The following PCDHA7 variants were observed in gnomAD, a reference collection of about 807,000 sequenced individuals.
The protein encoded by PCDHA7 is protocadherin alpha-7.
Under a neutral mutation model 57.2 loss-of-function variants are expected in PCDHA7, and 37 were observed. That is an observed-to-expected ratio of 0.65 (90% CI 0.50 to 0.85). The LOEUF (loss-of-function observed/expected upper bound fraction) is 0.85. Ranked by LOEUF, PCDHA7 falls within the 40% of genes least tolerant of loss-of-function variation. The pLI is 0.00. For synonymous variants in PCDHA7, 553 were observed against 558.8 expected (o/e 0.99, Z 0.15); for missense variants, 1,188 against 1,241.8 (o/e 0.96, Z 0.65).
At chr5:140,875,236 C>G (rs2055366681) in intron 1 of PCDHA7, 2 of 889,228 alleles carry the variant, frequency 2.2e-6, no homozygotes, top group East Asian at 2.9e-5. Context: ...CTTTCTTGTA[C>G]TTACATAATC....
intron 1 of PCDHA7, chr5:140,928,717 T>C: frequency 6.2e-7 from 1 of 1,614,208 alleles, no homozygotes; most frequent in Non-Finnish European, 8.5e-7. Context: ...CTCTAGTCTC[T>C]TTAGAATTTC....
At chr5:140,887,108 T>A (rs2061306818) in intron 1 of PCDHA7, among the ~76,000 whole-genome samples, 1 of 152,084 alleles carries the variant, frequency 6.6e-6, no homozygotes, top group Non-Finnish European at 1.5e-5. Context: ...TCTCTTTTTT[T>A]TTTTTTGAGA....
At chr5:140,997,840 A>G (rs2097788062) in intron 3 of PCDHA7, among the ~76,000 whole-genome samples, 2 of 152,216 alleles carry the variant, frequency 1.3e-5, no homozygotes, top group Non-Finnish European at 2.9e-5. Flanking sequence ...AATACAATAT[A>G]CATTCTTATA....
intron 1 of PCDHA7, among the ~76,000 whole-genome samples, chr5:140,838,146 C>T (rs1775571297): frequency 2.0e-5 from 3 of 149,200 alleles, no homozygotes; most frequent in Non-Finnish European, 4.5e-5. Flanking sequence ...CAGAGTTTTA[C>T]TCTGTCGCCC....
At chr5:140,926,155 T>TGCAGCAGGATCCAGCGCGGAAAGCCCC (rs1563077309) in intron 1 of PCDHA7, among the ~76,000 whole-genome samples, 3 of 152,076 alleles carry the variant, frequency 2.0e-5, no homozygotes, top group African/African-American at 4.8e-5. Context: ...CGGAAAGCTC[T>TGCAGCAGGATCCAGCGCGGAAAGCCCC]GCAGCAGGAT....
chr5:140,989,874 A>C (rs1328387054), intron 3 of PCDHA7, among the ~76,000 whole-genome samples: 1 of 152,098 alleles, frequency 6.6e-6, no homozygotes, highest in Admixed American at 6.6e-5. Context: ...TCTCTGCCTC[A>C]GCACTTGGAG....
At chr5:140,871,024 T>A (rs782482530) in intron 1 of PCDHA7, 2 of 1,613,076 alleles carry the variant, frequency 1.2e-6, no homozygotes, top group African/African-American at 1.3e-5. Flanking sequence ...CGAGGCAGAC[T>A]CGCCGCGCCA....
In PCDHA7 at chr5:140,856,840, C is replaced by T. The variant is rs782759448; in HGVS notation, c.2355+20102C>T. On this transcript the variant is annotated intron_variant, in intron 1 of 3. Transcript: ENST00000525929. ...ACCAAACATTAGTAATACGGCTCAA[C>T]GCTTCTGATTCGGATGAAGGAATAA... is the stretch of plus-strand genomic sequence containing the variant. The T allele has an allele frequency of 7.5e-6, 12 of 1,591,778 alleles. 2 individuals are homozygous for T. The highest frequency in any genetic ancestry group is 4.0e-5 in the African/African-American group (3 of 74,140).
intron 1 of PCDHA7, chr5:140,864,334 G>T (rs1303822617): frequency 6.6e-6 from 1 of 152,076 alleles, no homozygotes; most frequent in Non-Finnish European, 1.5e-5. Flanking sequence ...AATTATTTGA[G>T]TTTAAAACAT....
intron 3 of PCDHA7, among the ~76,000 whole-genome samples, chr5:140,992,953 C>G (rs1377524442): frequency 5.9e-5 from 9 of 152,172 alleles, no homozygotes; most frequent in African/African-American, 2.2e-4. Flanking sequence ...ATTAAATCAC[C>G]CCTTATACTG....
intron 1 of PCDHA7, chr5:140,927,274 G>T: frequency 6.2e-7 from 1 of 1,614,100 alleles, no homozygotes; most frequent in Non-Finnish European, 8.5e-7. Context: ...TCCTGCCGGC[G>T]ACGTGCAGCT....
intron 1 of PCDHA7, chr5:140,842,575 G>T (rs782407336): frequency 1.3e-6 from 2 of 1,509,128 alleles, no homozygotes; most frequent in East Asian, 4.6e-5. Flanking sequence ...GCGAGAGAGT[G>T]TCGGCCTATG....
chr5:140,966,909 T>C, intron 1 of PCDHA7: 1 of 1,601,466 alleles, frequency 6.2e-7, no homozygotes, highest in Non-Finnish European at 8.5e-7. Context: ...CGATACTCTG[T>C]GCCAGAGGAG....
chr5:140,882,474 A>G, intron 1 of PCDHA7: 1 of 1,614,054 alleles, frequency 6.2e-7, no homozygotes, highest in Non-Finnish European at 8.5e-7. Context: ...GTGGCGTCCA[A>G]AAGACACGGG....
chr5:140,863,109 G>A, intron 1 of PCDHA7: 1 of 584,624 alleles, frequency 1.7e-6, no homozygotes, highest in Non-Finnish European at 3.4e-6. Flanking sequence ...CCCTGGACGA[G>A]GCGAAAGCTA....
intron 1 of PCDHA7, among the ~76,000 whole-genome samples, chr5:140,874,637 AC>A (rs1177845104): frequency 4.6e-5 from 7 of 152,256 alleles, no homozygotes; most frequent in African/African-American, 1.7e-4. Flanking sequence ...AAAGTGCTTT[AC>A]TTTTGCTAGA....
At chr5:140,841,345 G>A in intron 1 of PCDHA7, 2 of 1,612,666 alleles carry the variant, frequency 1.2e-6, no homozygotes, top group East Asian at 2.2e-5. Flanking sequence ...GGCGAGGAGA[G>A]CTGGGATCCT....
chr5:140,925,124 A>AGG (rs1554202565), intron 1 of PCDHA7, among the ~76,000 whole-genome samples: 1 of 151,856 alleles, frequency 6.6e-6, no homozygotes, highest in African/African-American at 2.4e-5. Flanking sequence ...GAAGGAAGGA[A>AGG]AAAAAATTTC....
chr5:140,968,262 A>G, intron 1 of PCDHA7: 5 of 1,614,054 alleles, frequency 3.1e-6, no homozygotes, highest in Non-Finnish European at 4.2e-6. Flanking sequence ...CCAGATGAAA[A>G]GGAGAATGCA....
Sources: gnomAD v4.1 joint callset for allele counts (sites outside exome capture counted in the v4.1 genomes callset) on GRCh38, gnomAD v4.1.1 for gene constraint, MANE v1.5 for transcripts, NCBI Gene and HGNC (gene_info 2026-07-23, HGNC 2026-07-21) for gene names.